ERI3: variants seen among roughly 807,000 people sequenced by gnomAD.
ERI3 encodes ERI1 exoribonuclease family member 3.
In ERI3, 18 loss-of-function variants were observed where a neutral mutation model predicts 44.4. The ratio of observed to expected loss-of-function variants is 0.41; its 90% CI spans 0.28 to 0.60. The LOEUF (loss-of-function observed/expected upper bound fraction) is 0.60, where lower values mean the gene tolerates loss of function less well. Among genes scored for constraint, ERI3 ranks in the 20% least tolerant of loss-of-function variants. ERI3 has a pLI of 0.36. For missense variants in ERI3, 294 were observed against 435.5 expected (o/e 0.68, Z 2.89); for synonymous variants, 183 against 164.8 (o/e 1.11, Z -0.84).
chr1:44,329,852 A>C (rs1646393501), intron 3 of ERI3, among the ~76,000 whole-genome samples: 2 of 152,156 alleles, frequency 1.3e-5, no homozygotes, highest in Non-Finnish European at 2.9e-5. Flanking sequence ...TCCTTAACAA[A>C]CCTCAGTACC....
intron 2 of ERI3, among the ~76,000 whole-genome samples, chr1:44,352,456 AGATAGAT>A (rs1646914345): frequency 9.0e-6 from 1 of 110,628 alleles, no homozygotes; most frequent in African/African-American, 3.1e-5. Flanking sequence ...ATAGATAGAT[AGATAGAT>A]AAATGTTTAA....
Position 44,228,188 on chromosome 1 carries a change from A to C in ERI3, c.932-6548T>G, listed in dbSNP as rs928180325. ...GCTTCCTACCCCTCCCCCAGACAGGATCCTTACAGCCTCCACTCCAAAGTG... is the reference window on the plus strand; with the variant it reads ...GCTTCCTACCCCTCCCCCAGACAGGCTCCTTACAGCCTCCACTCCAAAGTG... On this transcript the variant is annotated intron_variant, in intron 8 of 8. Transcript: ENST00000372257. The surrounding 1 kb of genome is among the most constrained non-coding windows in gnomAD (Gnocchi z 4.3). Among the ~76,000 whole-genome samples the C allele has an allele frequency of 6.6e-6, 1 of 151,660 alleles. No individual in the cohort carries two copies. Among genetic ancestry groups the C allele is most frequent in the Non-Finnish European group, 1.5e-5 (1 of 67,914 alleles).
chr1:44,223,298 G>A (rs1643948590), intron 8 of ERI3, among the ~76,000 whole-genome samples: 1 of 152,150 alleles, frequency 6.6e-6, no homozygotes, highest in Non-Finnish European at 1.5e-5. Flanking sequence ...TAGTGTGTGT[G>A]CCTATGCTTT....
At chr1:44,266,814 T>C (rs1644998867) in intron 7 of ERI3, among the ~76,000 whole-genome samples, 1 of 152,262 alleles carries the variant, frequency 6.6e-6, no homozygotes, top group African/African-American at 2.4e-5. Flanking sequence ...GGTCCCCGTC[T>C]GATCTCTGAT....
At chr1:44,268,114 C>T (rs1645024120) in intron 7 of ERI3, among the ~76,000 whole-genome samples, 1 of 152,164 alleles carries the variant, frequency 6.6e-6, no homozygotes, top group South Asian at 2.1e-4. Context: ...TTCATACACA[C>T]CCTATATACA....
At position 44,241,871 on chromosome 1, in the gene ERI3, CATCT is replaced by C. The variant is rs1644446247; in HGVS notation, c.931+6064_931+6067del. The C allele has an allele frequency of 2.6e-6, 2 of 767,608 alleles. No individual in the cohort carries two copies. Among genetic ancestry groups the C allele is most frequent in the Non-Finnish European group, 3.2e-6 (2 of 630,952 alleles). 47.5% of individuals were successfully genotyped at this position (767,608 alleles called of 1,614,324 possible). A position where few individuals can be genotyped will look rare whatever the true frequency, so the allele number is the denominator to read the frequency against. On this transcript the variant is annotated intron_variant, in intron 8 of 8. Transcript: ENST00000372257. The surrounding 1 kb of genome is among the most constrained non-coding windows in gnomAD (Gnocchi z 5.6). The stretch of plus-strand genomic sequence containing the variant: ...ACATACAGGAGAACCTTCTTCCATC[CATCT>C]GTCCATCAACTCACCCACCCATCTA...
rs567451560 is a variant in ERI3, at chr1:44,307,146, C to T, written c.758+1164G>A. On this transcript the variant is annotated intron_variant, in intron 6 of 8. Transcript: ENST00000372257. ...GGGGTGCAGTCAGTTTGTGTACACA[C>T]CTGATGGGTGTGGGAGATGAGGTCT... is the stretch of plus-strand genomic sequence containing the variant. Among the ~76,000 whole-genome samples, 27 of 152,228 alleles carry T rather than the reference C, an allele frequency of 1.8e-4. No homozygotes were observed. In the South Asian group the frequency reaches 5.0e-3, roughly 28 times the overall value.
chr1:44,351,632 C>T (rs1646892158), intron 2 of ERI3, among the ~76,000 whole-genome samples: 2 of 152,084 alleles, frequency 1.3e-5, no homozygotes, highest in South Asian at 2.1e-4. Context: ...ATTTGCAGAG[C>T]ACTAATCTAA....
At chr1:44,333,185 C>T (rs1397816648) in intron 3 of ERI3, among the ~76,000 whole-genome samples, 4 of 152,224 alleles carry the variant, frequency 2.6e-5, no homozygotes, top group South Asian at 4.1e-4. Context: ...ATACTACACA[C>T]GCCAGATGAG....
At chr1:44,350,062 C>T (rs1241865419) in intron 2 of ERI3, among the ~76,000 whole-genome samples, 2 of 152,100 alleles carry the variant, frequency 1.3e-5, no homozygotes, top group Non-Finnish European at 2.9e-5. Flanking sequence ...CTTCTACAAG[C>T]AAGGAAAGGA....
chr1:44,229,520 G>A (rs1304568022), intron 8 of ERI3, among the ~76,000 whole-genome samples: 1 of 152,146 alleles, frequency 6.6e-6, no homozygotes, highest in Non-Finnish European at 1.5e-5. Context: ...GCCCTGATTG[G>A]GATCAGATAA....
At chr1:44,349,727 G>A (rs879911652) in intron 2 of ERI3, among the ~76,000 whole-genome samples, 2 of 152,140 alleles carry the variant, frequency 1.3e-5, no homozygotes, top group Non-Finnish European at 2.9e-5. Context: ...TGTGCAAAGA[G>A]TTTTACATTA....
chr1:44,309,940 C>A (rs1015789196), intron 5 of ERI3, among the ~76,000 whole-genome samples: 4 of 151,960 alleles, frequency 2.6e-5, no homozygotes, highest in Non-Finnish European at 4.4e-5. Flanking sequence ...TGGATTCCAA[C>A]CCTCCAACCC....
At chr1:44,261,582 C>T (rs1279291041) in intron 7 of ERI3, among the ~76,000 whole-genome samples, 4 of 152,214 alleles carry the variant, frequency 2.6e-5, no homozygotes, top group Admixed American at 6.5e-5. Context: ...GAGCAGGCAG[C>T]GGCCAGAGAC....
chr1:44,293,347 C>T (rs1165366535), intron 6 of ERI3, among the ~76,000 whole-genome samples: 1 of 152,224 alleles, frequency 6.6e-6, no homozygotes, highest in African/African-American at 2.4e-5. Context: ...CACCATTACC[C>T]TTCCACATCT....
chr1:44,354,958 C>T lies in ERI3; in HGVS notation c.69G>A (p.Trp23Ter). ...GRPWEGGLVS[W>*]PPAPPLTLPW... ...GGAGAGTAAGGGGAGGGGCGGGGGG[C>T]CAGGAGACCAGCCCTCCTTCCCAGG... The change falls in exon 1 of 9, where the codon TGG (tryptophan) becomes TGA (stop). Residue 23 changes from tryptophan (W) to a stop codon, truncating the protein, a stop_gained. Transcript: ENST00000372257. LOFTEE classifies it high-confidence loss of function. 7.4e-7 allele frequency: 1 copy of T among 1,344,446 alleles called. No individual in the cohort carries two copies. The allele number at this position is 1,344,446 out of a possible 1,614,324, so 83.3% of individuals were successfully genotyped here. A position where few individuals can be genotyped will look rare whatever the true frequency, so the allele number is the denominator to read the frequency against.
intron 3 of ERI3, among the ~76,000 whole-genome samples, chr1:44,335,272 G>A (rs1646509170): frequency 6.6e-6 from 1 of 152,004 alleles, no homozygotes; most frequent in African/African-American, 2.4e-5. Flanking sequence ...GAGCCCAGGA[G>A]GTTGAGGCTG....
chr1:44,342,832 T>TAAATATATATATATATATATATAA (rs1246015094), intron 2 of ERI3, among the ~76,000 whole-genome samples: 3 of 24,242 alleles, frequency 1.2e-4, no homozygotes, highest in Non-Finnish European at 2.2e-4. Flanking sequence ...TATATATATA[T>TAAATATATATATATATATATATAA]ATATATATAT....
In ERI3 at chr1:44,252,060, C is replaced by T. The variant is rs528164609; in HGVS notation, c.832-4022G>A. 1.7e-4 allele frequency among the ~76,000 whole-genome samples: 26 copies of T among 152,248 alleles called. No homozygotes were observed. Among genetic ancestry groups the T allele is most frequent in the Non-Finnish European group, 2.9e-4 (20 of 68,040 alleles). ...CATCTCTCTCAGCCATCAGGGTCCA[C>T]CTGCCCAGCTATGCACAGTCAGCAC... On this transcript the variant is annotated intron_variant, in intron 7 of 8. Coordinates refer to ENST00000372257, the MANE Select transcript of ERI3 (RefSeq NM_024066.3). This position sits in a 1 kb window ranked among gnomAD's most constrained non-coding sequence, Gnocchi z 4.7.
Sources: gnomAD v4.1 joint callset for allele counts (sites outside exome capture counted in the v4.1 genomes callset) on GRCh38, gnomAD v4.1.1 for gene constraint, Gnocchi (gnomAD v3.1) non-coding constraint, MANE v1.5 for transcripts, NCBI Gene and HGNC (gene_info 2026-07-23, HGNC 2026-07-21) for gene names.